SBF2: variants seen among roughly 807,000 people sequenced by gnomAD.
The protein encoded by SBF2 is SET binding factor 2.
Under a neutral mutation model 225.2 loss-of-function variants are expected in SBF2, and 112 were observed. That is an observed-to-expected ratio of 0.50 (90% CI 0.43 to 0.58). The LOEUF (loss-of-function observed/expected upper bound fraction) is 0.58, where lower values mean the gene tolerates loss of function less well. Ranked by LOEUF, SBF2 falls within the 20% of genes least tolerant of loss-of-function variation. The pLI is 0.00. For synonymous variants in SBF2, 763 were observed against 773.3 expected, an observed-to-expected ratio of 0.99 and a Z score of 0.22; for missense variants, 1,996 against 2,206.2, an observed-to-expected ratio of 0.90 and a Z score of 1.91.
intron 2 of SBF2, among the ~76,000 whole-genome samples, chr11:10,061,291 A>C (rs1162599908): frequency 6.6e-6 from 1 of 152,186 alleles, no homozygotes; most frequent in Non-Finnish European, 1.5e-5. Context: ...GAAAACTGGC[A>C]CAAGACAAGG....
chr11:10,016,232 G>A (rs983809015), intron 6 of SBF2, among the ~76,000 whole-genome samples: 1 of 152,098 alleles, frequency 6.6e-6, no homozygotes, highest in Non-Finnish European at 1.5e-5. Flanking sequence ...GGAACTTTAC[G>A]TTACTCATAT....
intron 1 of SBF2, among the ~76,000 whole-genome samples, chr11:10,244,815 C>A (rs1343339140): frequency 6.6e-6 from 1 of 152,074 alleles, no homozygotes; most frequent in Non-Finnish European, 1.5e-5. Flanking sequence ...GGAATCCCTA[C>A]AACTCAATAG....
At chr11:9,857,498 A>G (rs914465778) in intron 18 of SBF2, among the ~76,000 whole-genome samples, 3 of 152,254 alleles carry the variant, frequency 2.0e-5, no homozygotes, top group African/African-American at 7.2e-5. Flanking sequence ...TTTAAGTTCA[A>G]TTCATGAGGA....
At chr11:9,890,600 T>C (rs1160060539) in intron 17 of SBF2, among the ~76,000 whole-genome samples, 1 of 152,166 alleles carries the variant, frequency 6.6e-6, no homozygotes, top group African/African-American at 2.4e-5. Context: ...TTAAGGTGAA[T>C]AGGGTATTTA....
chr11:9,889,504 T>C (rs1860621155), intron 17 of SBF2, among the ~76,000 whole-genome samples: 1 of 152,246 alleles, frequency 6.6e-6, no homozygotes, highest in Non-Finnish European at 1.5e-5. Flanking sequence ...TGTAAATTTA[T>C]ATTTCTTTAA....
intron 1 of SBF2, among the ~76,000 whole-genome samples, chr11:10,198,262 T>C (rs1047750733): frequency 5.9e-5 from 9 of 152,210 alleles, no homozygotes; most frequent in African/African-American, 1.4e-4. Flanking sequence ...GGCTGCAGAA[T>C]AGATGTTGTG....
At chr11:9,819,516 A>G (rs1439396958) in intron 28 of SBF2, 4 of 152,236 alleles carry the variant, frequency 2.6e-5, no homozygotes. Context: ...ATGAAATTTC[A>G]GCACCTGTTT....
At chr11:10,059,294 A>G (rs1481184229) in intron 2 of SBF2, among the ~76,000 whole-genome samples, 3 of 152,174 alleles carry the variant, frequency 2.0e-5, no homozygotes, top group South Asian at 4.1e-4. Context: ...AATGACATTC[A>G]TAGGCTCAAA....
chr11:9,999,329 G>GTATT (rs1198250162), intron 8 of SBF2, among the ~76,000 whole-genome samples: 3 of 131,604 alleles, frequency 2.3e-5, no homozygotes, highest in South Asian at 2.4e-4. Context: ...ATGTATGTAT[G>GTATT]TATTTATTTT....
chr11:10,076,635 T>C (rs542637988), intron 2 of SBF2, among the ~76,000 whole-genome samples: 4 of 152,322 alleles, frequency 2.6e-5, no homozygotes, highest in Non-Finnish European at 5.9e-5. Flanking sequence ...TGTATTAGCA[T>C]ACCACTGGCA....
chr11:9,808,817 T>C (rs1853997612), intron 31 of SBF2, 84 bp downstream of exon 31: 2 of 1,005,906 alleles, frequency 2.0e-6, no homozygotes, highest in Admixed American at 2.0e-5. Flanking sequence ...TTAGTCATTA[T>C]ACAAAAGAGT....
intron 13 of SBF2, among the ~76,000 whole-genome samples, chr11:9,983,465 C>T (rs551453770): frequency 2.6e-5 from 4 of 152,266 alleles, no homozygotes; most frequent in East Asian, 3.9e-4. Context: ...GGCCTAGCTC[C>T]TTCCCAACCT....
Position 9,812,137 on chromosome 11 carries a change from A to G in SBF2, c.4155+395T>C, listed in dbSNP as rs549821522. On this transcript the variant is annotated intron_variant, in intron 30 of 39. Transcript: ENST00000256190. ...CTAGAGACCTGGGATAGGCAGACAA[A>G]TGAAAGGTGAGAGCTCTTGGGAGTC... Among the ~76,000 whole-genome samples the G allele has an allele frequency of 1.5e-3, 231 of 152,196 alleles. 1 individual carries two copies. The Middle Eastern group carries it at 0.02, about 13-fold the overall frequency.
At chr11:10,301,504 G>A (rs1328777849) in intron 1 of SBF2, among the ~76,000 whole-genome samples, 1 of 152,058 alleles carries the variant, frequency 6.6e-6, no homozygotes, top group Non-Finnish European at 1.5e-5. Flanking sequence ...TTGTAAACAA[G>A]TCCTCAGCTT....
At chr11:10,270,685 T>A (rs190499085) in intron 1 of SBF2, among the ~76,000 whole-genome samples, 1 of 152,194 alleles carries the variant, frequency 6.6e-6, no homozygotes, top group Non-Finnish European at 1.5e-5. Flanking sequence ...ATAGATGCTA[T>A]AAACATGTTT....
chr11:9,785,146 G>A lies in SBF2; in HGVS notation c.5210C>T (p.Thr1737Ile), dbSNP rs1397409599. 4 of 1,613,154 alleles carry A rather than the reference G, an allele frequency of 2.5e-6. No homozygotes were observed. Among genetic ancestry groups the A allele is most frequent in the East Asian group, 4.5e-5 (2 of 44,892 alleles). ...TCACCTGTTTTCATCATTCTTGGAT[G>A]TATACTGGCTATAGAGCGTGGCTGC... is the stretch of plus-strand genomic sequence containing the variant. ...RRAATLYSQYTSKNDENRSFE... is the reference protein window; with the variant it reads ...RRAATLYSQYISKNDENRSFE... Residue 1737 changes from threonine to isoleucine, a missense_variant, in exon 37 of 40, where the codon ACA becomes ATA. By Grantham distance (89) the Thr-to-Ile change is moderately conservative (BLOSUM62 -1). Transcript: ENST00000256190.
intron 1 of SBF2, among the ~76,000 whole-genome samples, chr11:10,279,949 G>A (rs1483605186): frequency 1.3e-5 from 2 of 152,126 alleles, no homozygotes; most frequent in African/African-American, 2.4e-5. Context: ...ACGCCTGGCC[G>A]ATCAGTGATG....
intron 13 of SBF2, 79 bp downstream of exon 13, chr11:9,989,418 C>A: frequency 1.1e-6 from 1 of 904,308 alleles, no homozygotes; most frequent in Admixed American, 2.2e-5. Context: ...AACCACGTAA[C>A]ACCCGTACCC....
Position 10,273,841 on chromosome 11 carries a change from T to C in SBF2, c.55+20174A>G, listed in dbSNP as rs553584892. Reference sequence around the variant, plus strand: ...CCTCATTAGATAGACCTGACAGGAATAGGTTGTCTGTCTTGCCACCATCTA... The same window carrying C: ...CCTCATTAGATAGACCTGACAGGAACAGGTTGTCTGTCTTGCCACCATCTA... On this transcript the variant is annotated intron_variant, in intron 1 of 39. Coordinates refer to ENST00000256190, the MANE Select transcript of SBF2 (RefSeq NM_030962.4). Among the ~76,000 whole-genome samples the C allele has an allele frequency of 2.6e-5, 4 of 152,264 alleles. No homozygotes were observed. The East Asian group carries it at 7.7e-4, about 29-fold the overall frequency.
Sources: allele counts gnomAD v4.1 joint callset (sites outside exome capture counted in the v4.1 genomes callset), GRCh38; gene constraint gnomAD v4.1.1; transcripts MANE v1.5; gene names NCBI Gene and HGNC (gene_info 2026-07-23, HGNC 2026-07-21).